CNTN3: variants seen among roughly 807,000 people sequenced by gnomAD.
The protein encoded by CNTN3 is contactin 3, also known as contactin-3.
In CNTN3, 60 loss-of-function variants were observed where a neutral mutation model predicts 119.1. The observed-to-expected ratio is 0.50, with a 90% confidence interval of 0.41 to 0.62. The LOEUF (loss-of-function observed/expected upper bound fraction) is 0.62. Among genes scored for constraint, CNTN3 ranks in the 20% least tolerant of loss-of-function variants. The pLI, the probability that CNTN3 is intolerant of heterozygous loss-of-function variation, is 0.00. For synonymous variants in CNTN3, 450 were observed against 438.7 expected, an observed-to-expected ratio of 1.03 and a Z score of -0.32; for missense variants, 1,101 against 1,242.4, an observed-to-expected ratio of 0.89 and a Z score of 1.71.
chr3:74,487,324 T>C (rs1435482787), intron 3 of CNTN3, among the ~76,000 whole-genome samples: 1 of 152,140 alleles, frequency 6.6e-6, no homozygotes, highest in Admixed American at 6.5e-5. Context: ...ACAGTAAGTA[T>C]GCTTGACATA....
chr3:74,365,757 A>ATAATAAATACAT, intron 8 of CNTN3, 55 bp from the exon 9 acceptor site: 1 of 1,562,214 alleles, frequency 6.4e-7, no homozygotes, highest in Non-Finnish European at 8.7e-7. Context: ...AGCAAATAAA[A>ATAATAAATACAT]TGTATTTATT....
chr3:74,547,713 T>C (rs1457919507), intron 1 of CNTN3, among the ~76,000 whole-genome samples: 2 of 152,186 alleles, frequency 1.3e-5, no homozygotes, highest in African/African-American at 4.8e-5. Flanking sequence ...ACACTATAGA[T>C]ATTAATTCTC....
chr3:74,453,496 T>G (rs1449590438), intron 4 of CNTN3, among the ~76,000 whole-genome samples: 2 of 152,182 alleles, frequency 1.3e-5, no homozygotes, highest in African/African-American at 4.8e-5. Flanking sequence ...TTTGAAGGGT[T>G]TTTTGTGTCT....
At chr3:74,585,129 G>A (rs188700078) in intron 1 of CNTN3, among the ~76,000 whole-genome samples, 3 of 152,126 alleles carry the variant, frequency 2.0e-5, no homozygotes, top group East Asian at 1.9e-4. Flanking sequence ...GCATATCTAC[G>A]TTTAATAAAA....
intron 5 of CNTN3, among the ~76,000 whole-genome samples, chr3:74,414,789 C>T (rs1026445578): frequency 2.6e-5 from 4 of 151,744 alleles, no homozygotes; most frequent in East Asian, 1.9e-4. Flanking sequence ...CACACAAATG[C>T]GCTGTAATGG....
At chr3:74,555,958 G>A (rs778761457) in intron 1 of CNTN3, among the ~76,000 whole-genome samples, 24 of 151,960 alleles carry the variant, frequency 1.6e-4, no homozygotes, top group Non-Finnish European at 2.9e-4. Context: ...TTAACAATAC[G>A]GTGTCTATTT....
chr3:74,267,762 G>T (rs1386839278), intron 20 of CNTN3, among the ~76,000 whole-genome samples: 1 of 152,038 alleles, frequency 6.6e-6, no homozygotes, highest in Non-Finnish European at 1.5e-5. Flanking sequence ...CGATGGGGGG[G>T]ATAAGGAAAT....
At chr3:74,453,931 A>G (rs558112067) in intron 4 of CNTN3, among the ~76,000 whole-genome samples, 3 of 151,900 alleles carry the variant, frequency 2.0e-5, no homozygotes, top group East Asian at 1.9e-4. Context: ...TTACTTCCAA[A>G]TATGTGGTCA....
At chr3:74,570,659 T>G (rs1704299055) in intron 1 of CNTN3, among the ~76,000 whole-genome samples, 1 of 152,094 alleles carries the variant, frequency 6.6e-6, no homozygotes. Flanking sequence ...CTATGTAAAA[T>G]TTTTATGTAT....
intron 4 of CNTN3, among the ~76,000 whole-genome samples, chr3:74,443,104 G>T (rs980988224): frequency 1.4e-4 from 21 of 152,194 alleles, no homozygotes; most frequent in African/African-American, 5.1e-4. Flanking sequence ...GAGAAGGAAA[G>T]AATTTCAACC....
At chr3:74,548,345 G>C (rs1304742869) in intron 1 of CNTN3, among the ~76,000 whole-genome samples, 1 of 152,094 alleles carries the variant, frequency 6.6e-6, no homozygotes, top group African/African-American at 2.4e-5. Flanking sequence ...TTGGTAAATA[G>C]TCTTTGTCAT....
At chr3:74,304,944 T>C (rs1037970385) in intron 13 of CNTN3, among the ~76,000 whole-genome samples, 4 of 152,162 alleles carry the variant, frequency 2.6e-5, no homozygotes, top group African/African-American at 7.2e-5. Context: ...TAATAAAATA[T>C]ATTTGTATTA....
chr3:74,550,007 A>AACTGCC (rs1465171529), intron 1 of CNTN3, among the ~76,000 whole-genome samples: 3 of 152,204 alleles, frequency 2.0e-5, no homozygotes, highest in Non-Finnish European at 4.4e-5. Context: ...ATTCTGACAG[A>AACTGCC]ACTGCCCATC....
At chr3:74,403,887 C>T (rs1575692228) in intron 5 of CNTN3, among the ~76,000 whole-genome samples, 1 of 151,490 alleles carries the variant, frequency 6.6e-6, no homozygotes, top group East Asian at 1.9e-4. Flanking sequence ...CTTCTCTTTC[C>T]TTTTTTTTAT....
chr3:74,512,031 C>A (rs1484975564), intron 2 of CNTN3, among the ~76,000 whole-genome samples: 1 of 152,076 alleles, frequency 6.6e-6, no homozygotes, highest in Non-Finnish European at 1.5e-5. Flanking sequence ...CCACTGAATT[C>A]TCTACTGTTA....
At chr3:74,332,977 C>T (rs1030488297) in intron 13 of CNTN3, among the ~76,000 whole-genome samples, 3 of 152,166 alleles carry the variant, frequency 2.0e-5, no homozygotes, top group Non-Finnish European at 4.4e-5. Flanking sequence ...AGAGAGCTAG[C>T]TCAGAATATG....
chr3:74,337,379 A>G (rs936211602), intron 11 of CNTN3, among the ~76,000 whole-genome samples: 2 of 152,130 alleles, frequency 1.3e-5, no homozygotes, highest in Non-Finnish European at 1.5e-5. Flanking sequence ...CCTTCATGGA[A>G]TAATATTCCA....
chr3:74,506,163 G>A (rs1200440414), intron 2 of CNTN3, among the ~76,000 whole-genome samples: 1 of 152,146 alleles, frequency 6.6e-6, no homozygotes, highest in Non-Finnish European at 1.5e-5. Flanking sequence ...AATGGTTTGT[G>A]TTTAAGGTTA....
rs184588858 is a variant in CNTN3, at chr3:74,325,032, C to T, written c.1668+9703G>A. ...ATGTATTGAAATATCAGTTTGTACC[C>T]CATAAATATGTACAATTGTTGCATG... On this transcript the variant is annotated intron_variant, in intron 13 of 22. Coordinates refer to ENST00000263665, the MANE Select transcript of CNTN3 (RefSeq NM_020872.3). 3.8e-4 allele frequency among the ~76,000 whole-genome samples: 57 copies of T among 151,900 alleles called. No homozygotes were observed. In the East Asian group the frequency reaches 0.011, roughly 29 times the overall value.
Sources: gnomAD v4.1 joint callset for allele counts (sites outside exome capture counted in the v4.1 genomes callset) on GRCh38, gnomAD v4.1.1 for gene constraint, MANE v1.5 for transcripts, NCBI Gene and HGNC (gene_info 2026-07-23, HGNC 2026-07-21) for gene names.